The following SLC44A5 variants were observed in gnomAD, a reference collection of about 807,000 sequenced individuals.
SLC44A5 encodes choline transporter-like protein 5.
SLC44A5 carries 57 observed loss-of-function variants against 101.8 expected under a neutral mutation model. The ratio of observed to expected loss-of-function variants is 0.56; its 90% CI spans 0.45 to 0.70. The LOEUF is 0.70. SLC44A5 is among the 30% of genes least tolerant of loss of function. The probability of loss-of-function intolerance (pLI) is 0.00; values close to 1 mark genes in which losing one functional copy is unlikely to be tolerated. For synonymous variants in SLC44A5, 281 were observed against 290.9 expected (o/e 0.97, Z 0.35); for missense variants, 737 against 853.1 (o/e 0.86, Z 1.70).
At chr1:75,211,669 G>T in intron 22 of SLC44A5, 117 bp from the exon 23 acceptor site, 1 of 711,848 alleles carries the variant, frequency 1.4e-6, no homozygotes, top group Non-Finnish European at 2.4e-6. Context: ...TATGGGAAAA[G>T]AGTTCAGTAT....
At chr1:75,700,245 C>T in the SLC44A5 span, among the ~76,000 whole-genome samples, 1,022 of 152,294 alleles carry the variant, frequency 6.7e-3, 16 homozygotes, top group Admixed American at 0.037. Context: ...AAATTGACCA[C>T]ATACTTGGAA....
chr1:75,688,630 C>T, the SLC44A5 span, among the ~76,000 whole-genome samples: 1 of 152,158 alleles, frequency 6.6e-6, no homozygotes, highest in Non-Finnish European at 1.5e-5. Flanking sequence ...TTTTCAAAGC[C>T]TCGGGGGCTG....
At chr1:75,399,916 G>C (rs1662369553) in intron 2 of SLC44A5, among the ~76,000 whole-genome samples, 1 of 152,154 alleles carries the variant, frequency 6.6e-6, no homozygotes, top group African/African-American at 2.4e-5. Context: ...AAATACCAAA[G>C]TTATTGAATC....
chr1:75,294,298 G>A (rs1653792152), intron 5 of SLC44A5, among the ~76,000 whole-genome samples: 1 of 152,270 alleles, frequency 6.6e-6, no homozygotes, highest in South Asian at 2.1e-4. Flanking sequence ...GCCTAGTGAG[G>A]TACAGATGGT....
chr1:75,342,647 A>T (rs975385052), intron 3 of SLC44A5, among the ~76,000 whole-genome samples: 1 of 152,142 alleles, frequency 6.6e-6, no homozygotes, highest in Non-Finnish European at 1.5e-5. Context: ...AAAGGGGTTA[A>T]CAACTTCTAT....
intron 1 of SLC44A5, among the ~76,000 whole-genome samples, chr1:75,604,375 T>C (rs1400653190): frequency 6.6e-6 from 1 of 152,134 alleles, no homozygotes. Flanking sequence ...GGTCTATGTG[T>C]CTGTTTTTGT....
chr1:75,485,816 C>T (rs542564833), intron 2 of SLC44A5, among the ~76,000 whole-genome samples: 56 of 152,092 alleles, frequency 3.7e-4, no homozygotes, highest in Admixed American at 2.2e-3. Context: ...ACAATCATGG[C>T]GGAAGGTGAA....
intron 2 of SLC44A5, among the ~76,000 whole-genome samples, chr1:75,416,167 G>GA (rs1218071659): frequency 6.6e-6 from 1 of 152,290 alleles, no homozygotes; most frequent in East Asian, 1.9e-4. Flanking sequence ...GGCCTAGGAT[G>GA]AAAAAGTTGT....
At chr1:75,321,726 C>T (rs1470653750) in intron 4 of SLC44A5, among the ~76,000 whole-genome samples, 1 of 152,186 alleles carries the variant, frequency 6.6e-6, no homozygotes, top group African/African-American at 2.4e-5. Context: ...TTTATTTCCA[C>T]ATGTATTTTA....
chr1:75,698,424 A>G, the SLC44A5 span, among the ~76,000 whole-genome samples: 1 of 152,178 alleles, frequency 6.6e-6, no homozygotes, highest in Non-Finnish European at 1.5e-5. Flanking sequence ...GTACTCCAAC[A>G]GACCTGCAAC....
chr1:75,484,187 C>T lies in SLC44A5; in HGVS notation c.13+57248G>A, dbSNP rs144828364. On this transcript the variant is annotated intron_variant, in intron 2 of 23. Transcript: ENST00000370859. ...AGTCCCCCAAAGTCTTAACTCATTC[C>T]AGCATTAACTCAAAAGTCCAAGTTC... Among the ~76,000 whole-genome samples the T allele has an allele frequency of 2.6e-3, 390 of 152,276 alleles. 2 individuals carry two copies. The highest frequency in any genetic ancestry group is 3.8e-3 in the Non-Finnish European group (261 of 68,016).
intron 2 of SLC44A5, among the ~76,000 whole-genome samples, chr1:75,426,946 T>C (rs1664347974): frequency 6.6e-6 from 1 of 152,202 alleles, no homozygotes; most frequent in Non-Finnish European, 1.5e-5. Flanking sequence ...CTTCGCCAGA[T>C]GGGTGCTCAT....
In SLC44A5 at chr1:75,391,368, A is replaced by G. The variant is rs527347847; in HGVS notation, c.52+5215T>C. On this transcript the variant is annotated intron_variant, in intron 3 of 23. Transcript: ENST00000370859. ...GAAAAAACTAATCTAAAATTTATAT[A>G]AAACCAAAAAAGAGCCCAAATAGCC... 1.2e-4 allele frequency among the ~76,000 whole-genome samples: 19 copies of G among 152,296 alleles called. No individual in the cohort carries two copies. The South Asian group carries it at 2.9e-3, about 23-fold the overall frequency.
intron 2 of SLC44A5, among the ~76,000 whole-genome samples, chr1:75,490,916 T>A (rs888054210): frequency 2.6e-5 from 4 of 151,998 alleles, no homozygotes; most frequent in African/African-American, 9.7e-5. Context: ...TAAAGGCAAG[T>A]AAATCTACTT....
At chr1:75,452,979 T>C (rs60222754) in intron 2 of SLC44A5, among the ~76,000 whole-genome samples, 35,577 of 151,940 alleles carry the variant, frequency 0.23, 4,287 homozygotes, top group African/African-American at 0.27. Flanking sequence ...ATTCAGACCA[T>C]CAAGGCAGAA....
At position 75,215,802 on chromosome 1, in the gene SLC44A5, C is replaced by T; in HGVS notation, c.1680G>A (p.Trp560Ter). 6.2e-7 allele frequency: 1 copy of T among 1,608,922 alleles called. No individual in the cohort carries two copies. The change falls in exon 19 of 24, where the codon TGG becomes TGA. Residue 560 changes from tryptophan (W) to a stop codon, truncating the protein, a stop_gained. Coordinates refer to ENST00000370859, the MANE Select transcript of SLC44A5 (RefSeq NM_001130058.2). LOFTEE classifies it high-confidence loss of function. ...FLQCCLRCCF[W>*]CLENAIKFLN... ...AAAACTTTATTGCATTTTCCAAACA[C>T]CAGAAGCAGCATCTCAGGCAGCATT...
rs570900255 is a variant in SLC44A5, at chr1:75,571,227, G to C, written c.-69-29711C>G. On this transcript the variant is annotated intron_variant, in intron 1 of 23. Coordinates refer to ENST00000370859, the MANE Select transcript of SLC44A5 (RefSeq NM_001130058.2). ...ATAGGTGAATAAGAAAATGATCTTA[G>C]ATTAAAACATATAATTTAAGAGAAG... Among the ~76,000 whole-genome samples the C allele has an allele frequency of 5.9e-5, 9 of 152,206 alleles. No homozygotes were observed. The East Asian group carries it at 7.7e-4, about 13-fold the overall frequency.
At chr1:75,302,998 G>A (rs568602347) in intron 4 of SLC44A5, among the ~76,000 whole-genome samples, 9 of 152,194 alleles carry the variant, frequency 5.9e-5, no homozygotes, top group African/African-American at 1.9e-4. Flanking sequence ...ATCACGGATG[G>A]CCACAGATGA....
intron 4 of SLC44A5, among the ~76,000 whole-genome samples, chr1:75,321,450 C>CAGAGAGAG (rs58617518): frequency 1.2e-4 from 17 of 146,182 alleles, no homozygotes; most frequent in African/African-American, 2.2e-4. Flanking sequence ...TGTTATATGG[C>CAGAGAGAG]AGAGAGAGAG....
Sources: allele counts gnomAD v4.1 joint callset (sites outside exome capture counted in the v4.1 genomes callset), GRCh38; gene constraint gnomAD v4.1.1; transcripts MANE v1.5; gene names NCBI Gene and HGNC (gene_info 2026-07-23, HGNC 2026-07-21).